EXOC6B: variants seen among roughly 807,000 people sequenced by gnomAD.
EXOC6B encodes exocyst complex component 6B, also known as SEC15 homolog B.
Under a neutral mutation model 113.5 loss-of-function variants are expected in EXOC6B, and 54 were observed. That is an observed-to-expected ratio of 0.48 (90% CI 0.38 to 0.60). EXOC6B has a LOEUF of 0.60. Ranked by LOEUF, EXOC6B falls within the 20% of genes least tolerant of loss-of-function variation. The pLI, the probability that EXOC6B is intolerant of heterozygous loss-of-function variation, is 0.00. For missense variants in EXOC6B, 797 were observed against 977.5 expected (o/e 0.82, Z 2.46); for synonymous variants, 357 against 339.0 (o/e 1.05, Z -0.58).
intron 8 of EXOC6B, among the ~76,000 whole-genome samples, chr2:72,531,196 C>T (rs949492007): frequency 6.6e-6 from 1 of 151,872 alleles, no homozygotes; most frequent in African/African-American, 2.4e-5. Flanking sequence ...TTTAGAATTC[C>T]ATTTTTATTT....
At chr2:72,233,867 G>T (rs1051777262) in intron 20 of EXOC6B, among the ~76,000 whole-genome samples, 1 of 152,140 alleles carries the variant, frequency 6.6e-6, no homozygotes, top group South Asian at 2.1e-4. Flanking sequence ...CTAGTAGCCA[G>T]GTGGGCAATG....
At chr2:72,463,278 T>A (rs1485140153) in intron 18 of EXOC6B, 1 of 152,052 alleles carries the variant, frequency 6.6e-6, no homozygotes, top group Non-Finnish European at 1.5e-5. Context: ...GGTATCAGGA[T>A]AAAGCTAGAC....
chr2:72,461,039 T>A (rs1697621394), intron 18 of EXOC6B, among the ~76,000 whole-genome samples: 1 of 151,862 alleles, frequency 6.6e-6, no homozygotes, highest in South Asian at 2.1e-4. Flanking sequence ...TAAAAAATGA[T>A]GAGTTCATGT....
Position 72,401,631 on chromosome 2 carries a change from A to G in EXOC6B, c.1981-21761T>C, listed in dbSNP as rs1224540021. Among the ~76,000 whole-genome samples, 3 of 49,180 alleles carry G rather than the reference A, an allele frequency of 6.1e-5. 1 individual carries two copies. In the African/African-American group the frequency reaches 7.0e-4, roughly 11 times the overall value. The allele number at this position is 49,180 out of a possible 152,430, so 32.3% of individuals were successfully genotyped here. On this transcript the variant is annotated intron_variant, in intron 18 of 21. Transcript: ENST00000272427. ...TATATATATATATATACATATATAT[A>G]TATATACATATATACATATATATAT...
intron 20 of EXOC6B, among the ~76,000 whole-genome samples, chr2:72,246,364 T>C (rs907235562): frequency 6.6e-5 from 10 of 152,200 alleles, no homozygotes; most frequent in Admixed American, 6.5e-4. Flanking sequence ...TTCCCTAGAA[T>C]GGTAACTCCA....
At chr2:72,672,901 A>T (rs1029811637) in intron 6 of EXOC6B, among the ~76,000 whole-genome samples, 3 of 152,180 alleles carry the variant, frequency 2.0e-5, no homozygotes, top group Non-Finnish European at 4.4e-5. Flanking sequence ...ACATTAAACA[A>T]TCAATTGTAC....
chr2:72,760,974 C>T (rs1448958706), intron 1 of EXOC6B, among the ~76,000 whole-genome samples: 1 of 152,042 alleles, frequency 6.6e-6, no homozygotes, highest in African/African-American at 2.4e-5. Context: ...GAGGTCAGGA[C>T]TTCAGGACCA....
At chr2:72,412,772 G>A (rs10496183) in intron 18 of EXOC6B, among the ~76,000 whole-genome samples, 32,452 of 151,942 alleles carry the variant, frequency 0.21, 6,595 homozygotes, top group African/African-American at 0.54. Flanking sequence ...CTAGAACACA[G>A]CATTTTCTTT....
chr2:72,616,258 C>CA (rs1671379908), intron 6 of EXOC6B, among the ~76,000 whole-genome samples: 1 of 151,058 alleles, frequency 6.6e-6, no homozygotes, highest in Admixed American at 6.6e-5. Flanking sequence ...ACATTCTTCA[C>CA]AAAAATAGAA....
At chr2:72,381,580 T>G (rs947565520) in intron 18 of EXOC6B, among the ~76,000 whole-genome samples, 2 of 152,182 alleles carry the variant, frequency 1.3e-5, no homozygotes, top group African/African-American at 4.8e-5. Flanking sequence ...TTTTAAAATT[T>G]ACATAATTTT....
At chr2:72,260,785 T>A (rs1559069823) in intron 20 of EXOC6B, among the ~76,000 whole-genome samples, 1 of 152,128 alleles carries the variant, frequency 6.6e-6, no homozygotes, top group Non-Finnish European at 1.5e-5. Flanking sequence ...CCAACAGAAT[T>A]CCTATTAAAG....
intron 18 of EXOC6B, among the ~76,000 whole-genome samples, chr2:72,456,177 T>C (rs936622078): frequency 6.6e-6 from 1 of 152,170 alleles, no homozygotes. Context: ...CATTTTATAA[T>C]TAAAATTCTG....
At chr2:72,333,283 T>C (rs1688507412) in intron 20 of EXOC6B, among the ~76,000 whole-genome samples, 1 of 152,206 alleles carries the variant, frequency 6.6e-6, no homozygotes, top group Non-Finnish European at 1.5e-5. Context: ...TTGGCTGTGC[T>C]TTCTAACTTA....
chr2:72,776,230 T>G (rs577963739), intron 1 of EXOC6B, among the ~76,000 whole-genome samples: 3 of 152,246 alleles, frequency 2.0e-5, no homozygotes, highest in East Asian at 3.9e-4. Context: ...AGAATAATAT[T>G]TTTATACTTT....
At chr2:72,281,358 T>C (rs938592199) in intron 20 of EXOC6B, among the ~76,000 whole-genome samples, 18 of 152,014 alleles carry the variant, frequency 1.2e-4, no homozygotes, top group African/African-American at 4.3e-4. Flanking sequence ...AGAACAGAGA[T>C]ATGAGAAAAG....
At chr2:72,506,483 A>G (rs1448262166) in intron 11 of EXOC6B, among the ~76,000 whole-genome samples, 3 of 152,270 alleles carry the variant, frequency 2.0e-5, no homozygotes, top group Admixed American at 6.5e-5. Context: ...AGTTACCTCA[A>G]CGAAAAGGCA....
At chr2:72,777,156 G>A (rs775028826) in intron 1 of EXOC6B, among the ~76,000 whole-genome samples, 32 of 152,052 alleles carry the variant, frequency 2.1e-4, no homozygotes, top group Admixed American at 1.3e-3. Flanking sequence ...CAGGAGAATC[G>A]CTTGAACCTG....
chr2:72,369,501 G>A (rs1690864937), intron 19 of EXOC6B, among the ~76,000 whole-genome samples: 1 of 152,084 alleles, frequency 6.6e-6, no homozygotes, highest in Non-Finnish European at 1.5e-5. Context: ...CACAGAATTG[G>A]AAAAAACTAC....
intron 6 of EXOC6B, among the ~76,000 whole-genome samples, chr2:72,631,459 TATAGAGAGAGAGAGAGAGAGAGAGAG>T (rs1672452143): frequency 4.0e-3 from 28 of 6,924 alleles, no homozygotes; most frequent in African/African-American, 9.7e-3. Context: ...TATATATATA[TATAGAGAGAGAGAGAGAGAGAGAGAG>T]AGAGAGAGAG....
Sources: allele counts gnomAD v4.1 joint callset (sites outside exome capture counted in the v4.1 genomes callset), GRCh38; gene constraint gnomAD v4.1.1; transcripts MANE v1.5; gene names NCBI Gene and HGNC (gene_info 2026-07-23, HGNC 2026-07-21).